MOK: variants seen among roughly 807,000 people sequenced by gnomAD.
The protein encoded by MOK is MAPK/MAK/MRK overlapping kinase.
In MOK, 59 loss-of-function variants were observed where a neutral mutation model predicts 54.2. The ratio of observed to expected loss-of-function variants is 1.09; its 90% CI spans 0.88 to 1.35. MOK has a LOEUF of 1.35. Among genes scored for constraint, MOK ranks in the 40% most tolerant of loss-of-function variants. MOK has a pLI of 0.00. For synonymous variants in MOK, 210 were observed against 202.7 expected (o/e 1.04, Z -0.31); for missense variants, 517 against 526.2 (o/e 0.98, Z 0.17).
At chr14:102,226,859 G>A (rs1008256328), downstream of MOK, among the ~76,000 whole-genome samples, 1 of 152,180 alleles carries the variant, frequency 6.6e-6, no homozygotes, top group African/African-American at 2.4e-5. This position sits in a 1 kb window ranked among gnomAD's most constrained non-coding sequence, Gnocchi z 4.8. Context: ...TGTGGAGCTG[G>A]GCTCTGGTCC....
intron 2 of MOK, among the ~76,000 whole-genome samples, chr14:102,273,162 T>C (rs2068533522): frequency 6.7e-6 from 1 of 149,974 alleles, no homozygotes; most frequent in Non-Finnish European, 1.5e-5. Context: ...AGAGCAAAAC[T>C]CCGTCTCAAA....
chr14:102,252,159 A>G (rs2066583448), intron 4 of MOK, among the ~76,000 whole-genome samples, 164 bp from the exon 5 acceptor site: 1 of 152,202 alleles, frequency 6.6e-6, no homozygotes, highest in South Asian at 2.1e-4. Flanking sequence ...CCTACAAAAC[A>G]TACCATTTAA....
Position 102,245,219 on chromosome 14 carries a change from C to CA in MOK, c.590+5592dup, listed in dbSNP as rs1357397915. Among the ~76,000 whole-genome samples, 2 of 152,084 alleles carry CA rather than the reference C, an allele frequency of 1.3e-5. No homozygotes were observed. Among genetic ancestry groups the CA allele is most frequent in the Admixed American group, 6.6e-5 (1 of 15,256 alleles). Reference sequence around the variant, plus strand: ...AACCCCACAATACCACCCATTACCCCAAAATCTTCCTTCAGCTGAATCTCT... The same window carrying CA: ...AACCCCACAATACCACCCATTACCCCAAAAATCTTCCTTCAGCTGAATCTCT... On this transcript the variant is annotated intron_variant, in intron 7 of 11. Transcript: ENST00000361847. This position sits in a 1 kb window ranked among gnomAD's most constrained non-coding sequence, Gnocchi z 4.3.
At chr14:102,223,365 C>T (rs1034615932), downstream of MOK, 11 of 152,602 alleles carry the variant, frequency 7.2e-5, no homozygotes, top group African/African-American at 2.2e-4. Flanking sequence ...GGAAGACAGA[C>T]GCTGCAATCA....
At chr14:102,288,177 C>T (rs1294137221) in intron 1 of MOK, among the ~76,000 whole-genome samples, 1 of 152,174 alleles carries the variant, frequency 6.6e-6, no homozygotes, top group Non-Finnish European at 1.5e-5. Context: ...CAATTCCACT[C>T]CTACATATAT....
At chr14:102,280,303 G>T (rs553019444) in intron 2 of MOK, among the ~76,000 whole-genome samples, 4 of 152,126 alleles carry the variant, frequency 2.6e-5, no homozygotes, top group African/African-American at 9.6e-5. Flanking sequence ...CACCTTCCTG[G>T]ATTCAAGAGA....
downstream of MOK, chr14:102,226,545 C>A (rs2064253402): frequency 1.3e-5 from 9 of 675,916 alleles, no homozygotes; most frequent in Non-Finnish European, 2.4e-5. The surrounding 1 kb of genome is among the most constrained non-coding windows in gnomAD (Gnocchi z 4.8). Context: ...AAGGTGGCCT[C>A]CTATGGGCTG....
chr14:102,287,040 T>C (rs1276154304), intron 1 of MOK, among the ~76,000 whole-genome samples: 1 of 152,176 alleles, frequency 6.6e-6, no homozygotes, highest in Non-Finnish European at 1.5e-5. Flanking sequence ...TTTTCCACAA[T>C]GTTGTTTTTT....
Position 102,305,007 on chromosome 14 carries a change from T to C in MOK, c.-39A>G, listed in dbSNP as rs2072636159. 4 of 1,580,864 alleles carry C rather than the reference T, an allele frequency of 2.5e-6. No homozygotes were observed. Among genetic ancestry groups the C allele is most frequent in the Non-Finnish European group, 3.4e-6 (4 of 1,159,978 alleles). On this transcript the variant is annotated 5_prime_UTR_variant, in exon 1 of 12. Transcript: ENST00000361847. ...GCCGGTGACAACCCCTTGCCGACACTGGACGGAAAAGAAAGAAGCAGGAAG... is the reference window on the plus strand; with the variant it reads ...GCCGGTGACAACCCCTTGCCGACACCGGACGGAAAAGAAAGAAGCAGGAAG...
At chr14:102,229,844 G>C (rs2064505713) in intron 10 of MOK, 187 bp from the exon 11 acceptor site, 1 of 603,310 alleles carries the variant, frequency 1.7e-6, no homozygotes, top group African/African-American at 1.9e-5. Flanking sequence ...AGTCCCACGG[G>C]GGAGGCCAAA....
chr14:102,294,950 G>A (rs1199943960), intron 1 of MOK, among the ~76,000 whole-genome samples: 4 of 152,042 alleles, frequency 2.6e-5, no homozygotes, highest in African/African-American at 9.7e-5. Context: ...TCTTCTAGTA[G>A]GCAGAAAGTA....
At chr14:102,260,875 A>G (rs2067331936) in intron 4 of MOK, among the ~76,000 whole-genome samples, 2 of 152,098 alleles carry the variant, frequency 1.3e-5, no homozygotes, top group Non-Finnish European at 2.9e-5. Context: ...TAATCCCAGC[A>G]CTTTGGGAGG....
chr14:102,222,091 C>G (rs1442922908), downstream of MOK, among the ~76,000 whole-genome samples: 1 of 151,770 alleles, frequency 6.6e-6, no homozygotes, highest in East Asian at 1.9e-4. The surrounding 1 kb of genome is among the most constrained non-coding windows in gnomAD (Gnocchi z 4.4). Context: ...ATTCCCCGCC[C>G]CCGCCCCCGA....
At chr14:102,272,398 T>C (rs2068448468) in intron 2 of MOK, among the ~76,000 whole-genome samples, 1 of 151,718 alleles carries the variant, frequency 6.6e-6, no homozygotes, top group African/African-American at 2.4e-5. Flanking sequence ...TGAAGCAGAA[T>C]TGCTTGAGGC....
At position 102,253,563 on chromosome 14, in the gene MOK, T is replaced by A. The variant is rs146641197; in HGVS notation, c.284-1568A>T. On this transcript the variant is annotated intron_variant, in intron 4 of 11. Coordinates refer to ENST00000361847, the MANE Select transcript of MOK (RefSeq NM_014226.3). ...CAACTGCTTTCAGTCACAGTCCACATGTCTTCTTTCACAGGAGAGGCCGTT... is the reference window on the plus strand; with the variant it reads ...CAACTGCTTTCAGTCACAGTCCACAAGTCTTCTTTCACAGGAGAGGCCGTT... 7.8e-3 allele frequency among the ~76,000 whole-genome samples: 1,181 copies of A among 152,324 alleles called. 10 individuals are homozygous for A. The highest frequency in any genetic ancestry group is 0.027 in the African/African-American group (1,138 of 41,580).
chr14:102,261,207 A>G (rs1287114500), intron 4 of MOK, among the ~76,000 whole-genome samples: 2 of 144,750 alleles, frequency 1.4e-5, no homozygotes, highest in African/African-American at 2.6e-5. Flanking sequence ...CAGTGAGCTG[A>G]TTGCACCATT....
chr14:102,219,062 C>T, the MOK span, among the ~76,000 whole-genome samples: 4 of 152,206 alleles, frequency 2.6e-5, no homozygotes, highest in African/African-American at 9.6e-5. Context: ...GAGTTTGACA[C>T]GGATGACCAT....
At chr14:102,278,541 T>G (rs752744032) in intron 2 of MOK, 11 of 404,536 alleles carry the variant, frequency 2.7e-5, no homozygotes, top group Non-Finnish European at 4.5e-5. Flanking sequence ...AGACCTGACG[T>G]TGGCATCAGC....
chr14:102,298,910 A>G (rs956288095), intron 1 of MOK, among the ~76,000 whole-genome samples: 6 of 152,190 alleles, frequency 3.9e-5, no homozygotes, highest in Non-Finnish European at 8.8e-5. Context: ...CGCCGCCTTC[A>G]GAGCGATAAC....
Sources: allele counts gnomAD v4.1 joint callset (sites outside exome capture counted in the v4.1 genomes callset), GRCh38; gene constraint gnomAD v4.1.1; non-coding constraint Gnocchi (gnomAD v3.1); transcripts MANE v1.5; gene names NCBI Gene and HGNC (gene_info 2026-07-23, HGNC 2026-07-21).